Variants in SLC41A3 observed in about 807,000 individuals in gnomAD.
The protein encoded by SLC41A3 is solute carrier family 41 member 3.
SLC41A3 carries 44 observed loss-of-function variants against 45.4 expected under a neutral mutation model. The ratio of observed to expected loss-of-function variants is 0.97; its 90% CI spans 0.76 to 1.25. The LOEUF (loss-of-function observed/expected upper bound fraction) is 1.25, where lower values mean the gene tolerates loss of function less well. Ranked by LOEUF, SLC41A3 falls within the 50% of genes most tolerant of loss-of-function variation. The probability of loss-of-function intolerance (pLI) is 0.00; values close to 1 mark genes in which losing one functional copy is unlikely to be tolerated. For missense variants in SLC41A3, 550 were observed against 600.6 expected, an observed-to-expected ratio of 0.92 and a Z score of 0.88; for synonymous variants, 256 against 252.4, an observed-to-expected ratio of 1.01 and a Z score of -0.13.
intron 4 of SLC41A3, among the ~76,000 whole-genome samples, chr3:126,032,645 A>C (rs1367303616): frequency 6.6e-6 from 1 of 152,172 alleles, no homozygotes; most frequent in Admixed American, 6.5e-5. Flanking sequence ...AGAGGTGAGT[A>C]TGGGGAGAGA....
intron 1 of SLC41A3, among the ~76,000 whole-genome samples, chr3:126,071,347 T>C (rs1034191803): frequency 6.6e-6 from 1 of 152,084 alleles, no homozygotes; most frequent in Non-Finnish European, 1.5e-5. Context: ...GGTCAATCTA[T>C]CAAGAAGCTA....
Position 126,008,764 on chromosome 3 carries a change from C to T in SLC41A3, c.1222G>A (p.Val408Met). 6.2e-7 allele frequency: 1 copy of T among 1,614,062 alleles called. No homozygotes were observed. Among genetic ancestry groups the T allele is most frequent in the South Asian group, 1.1e-5 (1 of 91,072 alleles). ...AGGCCTGCCAGCAGGTAGAGCACCA[C>T]AAAGGTCTGGCTGTTTATGACTGAC... ...GQSVINSQTF[V>M]VLYLLAGLIQ... The change falls in exon 10 of 11, where the codon GTG becomes ATG. Residue 408 changes from valine to methionine, a missense_variant. Transcript: ENST00000360370.
chr3:126,033,529 G>A lies in SLC41A3; in HGVS notation c.453+78C>T, dbSNP rs542762985. On this transcript the variant is annotated intron_variant, in intron 4 of 10. Transcript: ENST00000360370. ...GGCCAGAGTGCAGGGACAAGAGCTC[G>A]CTTAGCCTTCACCCTTCCCACCTGG... is the stretch of plus-strand genomic sequence containing the variant. 79 of 1,498,818 alleles carry A rather than the reference G, an allele frequency of 5.3e-5. No homozygotes were observed. The African/African-American group carries it at 7.9e-4, about 15-fold the overall frequency. 92.8% of individuals were successfully genotyped at this position (1,498,818 alleles called of 1,614,324 possible).
At chr3:126,085,176 G>A (rs1945352173), upstream of SLC41A3, among the ~76,000 whole-genome samples, 1 of 152,114 alleles carries the variant, frequency 6.6e-6, no homozygotes. Context: ...CTGCCTTTCT[G>A]GATCAAACAA....
At chr3:126,046,322 T>A (rs1447566336) in intron 3 of SLC41A3, among the ~76,000 whole-genome samples, 1 of 151,254 alleles carries the variant, frequency 6.6e-6, no homozygotes, top group African/African-American at 2.4e-5. Context: ...TGTTTGCAGA[T>A]AATGTAATCT....
chr3:126,082,106 C>T (rs564545608), intron 1 of SLC41A3, among the ~76,000 whole-genome samples: 1 of 152,374 alleles, frequency 6.6e-6, no homozygotes, highest in East Asian at 1.9e-4. Context: ...CAGCTGTGGA[C>T]ATGGCCAAAG....
At chr3:126,018,904 C>T (rs1426983641) in intron 6 of SLC41A3, among the ~76,000 whole-genome samples, 1 of 152,234 alleles carries the variant, frequency 6.6e-6, no homozygotes, top group African/African-American at 2.4e-5. Flanking sequence ...GGAATAACCT[C>T]AGGCTTTCCC....
upstream of SLC41A3, among the ~76,000 whole-genome samples, chr3:126,086,939 C>T (rs1945406753): frequency 6.6e-6 from 1 of 152,092 alleles, no homozygotes; most frequent in Admixed American, 6.6e-5. Context: ...AAATACTAAT[C>T]AATGCTTTTC....
intron 3 of SLC41A3, among the ~76,000 whole-genome samples, chr3:126,038,378 G>A (rs1942357323): frequency 6.6e-6 from 1 of 152,220 alleles, no homozygotes; most frequent in Non-Finnish European, 1.5e-5. Flanking sequence ...CACTATGACA[G>A]CAGCCACAGA....
chr3:126,099,348 G>A (rs1483274475), intron 1 of SLC41A3, among the ~76,000 whole-genome samples: 2 of 152,114 alleles, frequency 1.3e-5, no homozygotes, highest in Non-Finnish European at 2.9e-5. Flanking sequence ...TAAAGTGACG[G>A]CAATATATTA....
At chr3:126,011,465 G>A (rs1470004282) in intron 9 of SLC41A3, among the ~76,000 whole-genome samples, 1 of 152,304 alleles carries the variant, frequency 6.6e-6, no homozygotes, top group East Asian at 1.9e-4. Flanking sequence ...TTGTGGGGCT[G>A]TAACAGAGGA....
chr3:126,010,735 TGGGG>T (rs912965718), intron 9 of SLC41A3, among the ~76,000 whole-genome samples: 2 of 152,202 alleles, frequency 1.3e-5, no homozygotes, highest in Non-Finnish European at 2.9e-5. Context: ...TGAAGCCATG[TGGGG>T]AGCAACAACA....
chr3:126,033,492 T>C, intron 4 of SLC41A3, 115 bp downstream of exon 4: 1 of 1,135,040 alleles, frequency 8.8e-7, no homozygotes, highest in Non-Finnish European at 1.3e-6. Context: ...AGCTACCTGT[T>C]CTCAAAGTTC....
In SLC41A3 at chr3:126,026,218, T is replaced by C. The variant is rs1270881252; in HGVS notation, c.598+117A>G. The C allele has an allele frequency of 7.0e-7, 1 of 1,429,152 alleles. No individual in the cohort carries two copies. 88.5% of individuals were successfully genotyped at this position (1,429,152 alleles called of 1,614,324 possible). A position where few individuals can be genotyped will look rare whatever the true frequency, so the allele number is the denominator to read the frequency against. ...GCCAGTGAGAACCCTGAGCCCACCA[T>C]CAGTCCCATTAGCAGTGGGACTCAC... On this transcript the variant is annotated intron_variant, in intron 5 of 10. Transcript: ENST00000360370. The surrounding 1 kb of genome is among the most constrained non-coding windows in gnomAD (Gnocchi z 4.2).
At chr3:126,053,047 T>G (rs1943442939) in intron 2 of SLC41A3, among the ~76,000 whole-genome samples, 1 of 152,228 alleles carries the variant, frequency 6.6e-6, no homozygotes, top group Non-Finnish European at 1.5e-5. Context: ...TGAGAAGTCC[T>G]GTCTGGTCAC....
At chr3:126,071,072 C>T (rs1303999769) in intron 1 of SLC41A3, among the ~76,000 whole-genome samples, 1 of 151,824 alleles carries the variant, frequency 6.6e-6, no homozygotes, top group Non-Finnish European at 1.5e-5. Context: ...CAAAACAATG[C>T]AGTAATGGGG....
intron 2 of SLC41A3, among the ~76,000 whole-genome samples, chr3:126,058,737 C>T (rs1457062135): frequency 1.3e-5 from 2 of 152,208 alleles, no homozygotes; most frequent in East Asian, 1.9e-4. Flanking sequence ...AAGGAGCATC[C>T]GGACCCCTTG....
intron 1 of SLC41A3, among the ~76,000 whole-genome samples, chr3:126,091,601 A>G (rs1945489550): frequency 6.6e-6 from 1 of 152,206 alleles, no homozygotes; most frequent in Non-Finnish European, 1.5e-5. Context: ...GCCTCCAGGT[A>G]GCAGGCTTCA....
At chr3:126,099,164 A>C (rs1204351679) in intron 1 of SLC41A3, among the ~76,000 whole-genome samples, 1 of 152,080 alleles carries the variant, frequency 6.6e-6, no homozygotes, top group Non-Finnish European at 1.5e-5. Context: ...CCCAGGACAG[A>C]TCTGATTAGC....
Sources: gnomAD v4.1 joint callset for allele counts (sites outside exome capture counted in the v4.1 genomes callset) on GRCh38, gnomAD v4.1.1 for gene constraint, Gnocchi (gnomAD v3.1) non-coding constraint, MANE v1.5 for transcripts, NCBI Gene and HGNC (gene_info 2026-07-23, HGNC 2026-07-21) for gene names.